ZNF436: variants seen among roughly 807,000 people sequenced by gnomAD.
The protein encoded by ZNF436 is DNA-binding protein.
In ZNF436, 22 loss-of-function variants were observed where a neutral mutation model predicts 41.9. The ratio of observed to expected loss-of-function variants is 0.53; its 90% CI spans 0.38 to 0.75. The LOEUF (loss-of-function observed/expected upper bound fraction) is 0.75, where lower values mean the gene tolerates loss of function less well. Among genes scored for constraint, ZNF436 ranks in the 30% least tolerant of loss-of-function variants. ZNF436 has a pLI of 0.00. For synonymous variants in ZNF436, 217 were observed against 197.8 expected (o/e 1.10, Z -0.82); for missense variants, 506 against 587.3 (o/e 0.86, Z 1.43).
intron 3 of ZNF436, 68 bp from the exon 4 acceptor site, chr1:23,363,289 C>A: frequency 1.5e-6 from 2 of 1,378,674 alleles, no homozygotes; most frequent in Non-Finnish European, 1.9e-6. Flanking sequence ...AGGCACTATA[C>A]TAAATTTTTT....
At chr1:23,367,363 C>G (rs1162716168) in intron 2 of ZNF436, among the ~76,000 whole-genome samples, 195 bp from the exon 3 acceptor site, 1 of 152,336 alleles carries the variant, frequency 6.6e-6, no homozygotes, top group African/African-American at 2.4e-5. Context: ...CCATGGCCAG[C>G]TATCCCTGCC....
Position 23,361,770 on chromosome 1 carries a change from A to G in ZNF436, c.*199T>C. The G allele has an allele frequency of 5.6e-6, 3 of 532,304 alleles. No homozygotes were observed. Among genetic ancestry groups the G allele is most frequent in the East Asian group, 6.4e-5 (2 of 31,266 alleles). 33.0% of individuals were successfully genotyped at this position (532,304 alleles called of 1,614,324 possible). A position where few individuals can be genotyped will look rare whatever the true frequency, so the allele number is the denominator to read the frequency against. On this transcript the variant is annotated 3_prime_UTR_variant, in exon 4 of 4. Coordinates refer to ENST00000314011, the MANE Select transcript of ZNF436 (RefSeq NM_001077195.2). Reference sequence around the variant, plus strand: ...TAATGAAGTAACCCATTGAGTGAATAAAAATCACCATTTTGGAGGAGATAA... The same window carrying G: ...TAATGAAGTAACCCATTGAGTGAATGAAAATCACCATTTTGGAGGAGATAA...
chr1:23,369,284 G>T (rs1371945196), intron 1 of ZNF436, 82 bp downstream of exon 1: 2 of 487,966 alleles, frequency 4.1e-6, no homozygotes, highest in Non-Finnish European at 4.3e-6. Context: ...CCCTGATCCG[G>T]GCGGGCCTTC....
intron 1 of ZNF436, chr1:23,368,475 A>C (rs1323841530): frequency 6.2e-6 from 1 of 162,242 alleles, no homozygotes; most frequent in Non-Finnish European, 1.4e-5. Flanking sequence ...CAGCCTGGCC[A>C]AGAGCCTCTA....
chr1:23,368,898 A>G (rs1638428137), intron 1 of ZNF436: 2 of 153,898 alleles, frequency 1.3e-5, no homozygotes, highest in Admixed American at 1.3e-4. Context: ...ATCTCCCAAC[A>G]GCGCCTGCGG....
chr1:23,367,305 A>G, intron 2 of ZNF436, 137 bp from the exon 3 acceptor site: 1 of 1,065,704 alleles, frequency 9.4e-7, no homozygotes, highest in Non-Finnish European at 1.3e-6. Flanking sequence ...CAAGCAAAAA[A>G]GAGATGTGGT....
rs898742450 is a variant in ZNF436 at position 23,361,012 on chromosome 1, T to C, written c.*957A>G. 1.3e-5 allele frequency: 2 copies of C among 152,398 alleles called. No homozygotes were observed. The highest frequency in any genetic ancestry group is 2.9e-5 in the Non-Finnish European group (2 of 68,012). The allele number at this position is 152,398 out of a possible 1,614,324, so 9.4% of individuals were successfully genotyped here. ...CTGGGATGTGGCCCTTATCAAATCT[T>C]AGAGTTAGCAGGATAGGAAGAGTTG... On this transcript the variant is annotated 3_prime_UTR_variant, in exon 4 of 4. Transcript: ENST00000314011.
At chr1:23,365,060 C>T (rs1450227832) in intron 3 of ZNF436, among the ~76,000 whole-genome samples, 1 of 151,950 alleles carries the variant, frequency 6.6e-6, no homozygotes, top group African/African-American at 2.4e-5. Flanking sequence ...AGTTTGAGAC[C>T]AGCCTGTGCA....
Position 23,360,496 on chromosome 1 carries a change from T to G in ZNF436, c.*1473A>C, listed in dbSNP as rs962511706. On this transcript the variant is annotated 3_prime_UTR_variant, in exon 4 of 4. Transcript: ENST00000314011. ...TAGCATCAACACTTGAGATATTTCTTAATTCCTACCTGGACTGAGATTAGG... is the reference window on the plus strand; with the variant it reads ...TAGCATCAACACTTGAGATATTTCTGAATTCCTACCTGGACTGAGATTAGG... 5.9e-5 allele frequency: 9 copies of G among 152,222 alleles called. No homozygotes were observed. The highest frequency in any genetic ancestry group is 2.2e-4 in the African/African-American group (9 of 41,456). 9.4% of individuals were successfully genotyped at this position (152,222 alleles called of 1,614,324 possible).
At position 23,367,033 on chromosome 1, in the gene ZNF436, C is replaced by G; in HGVS notation, c.160+9G>C. On this transcript the variant is annotated intron_variant, in intron 3 of 3. Transcript: ENST00000314011. ...CGTGGAGGCAAAGAAAGGTAGAATC[C>G]TTACTTACCTAGTGAGACAACATTT... The G allele has an allele frequency of 6.2e-7, 1 of 1,607,680 alleles. No individual in the cohort carries two copies. Among genetic ancestry groups the G allele is most frequent in the Non-Finnish European group, 8.5e-7 (1 of 1,177,798 alleles).
At chr1:23,366,049 T>G (rs1638353606) in intron 3 of ZNF436, among the ~76,000 whole-genome samples, 1 of 152,214 alleles carries the variant, frequency 6.6e-6, no homozygotes, top group African/African-American at 2.4e-5. Flanking sequence ...ACTGTAGAAT[T>G]GTAAATTCAC....
intron 1 of ZNF436, 99 bp from the exon 2 acceptor site, chr1:23,368,164 G>GGACCA (rs1638404894): frequency 1.3e-6 from 1 of 757,470 alleles, no homozygotes; most frequent in African/African-American, 1.8e-5. Flanking sequence ...GGAGGGCCCT[G>GGACCA]GACCAGGGCC....
At chr1:23,368,175 G>C in intron 1 of ZNF436, 110 bp from the exon 2 acceptor site, 1 of 685,406 alleles carries the variant, frequency 1.5e-6, no homozygotes, top group Non-Finnish European at 2.5e-6. Flanking sequence ...GACCAGGGCC[G>C]GGTCACTCTC....
In ZNF436 at chr1:23,360,102, T is replaced by G. The variant is rs1186268643; in HGVS notation, c.*1867A>C. ...TATGGATACCCACAGTCTGCTAGAT[T>G]TTGTAAATAACAAAAAAACATGCTC... On this transcript the variant is annotated 3_prime_UTR_variant, in exon 4 of 4. Transcript: ENST00000314011. 1 of 152,244 alleles carries G rather than the reference T, an allele frequency of 6.6e-6. No individual in the cohort carries two copies. Among genetic ancestry groups the G allele is most frequent in the Non-Finnish European group, 1.5e-5 (1 of 68,042 alleles). 9.4% of individuals were successfully genotyped at this position (152,244 alleles called of 1,614,324 possible).
rs781007535 is a variant in ZNF436, at chr1:23,367,128, C to T, written c.74G>A (p.Arg25Gln). The T allele has an allele frequency of 1.9e-6, 3 of 1,613,488 alleles. No individual in the cohort carries two copies. Among genetic ancestry groups the T allele is most frequent in the South Asian group, 1.1e-5 (1 of 90,974 alleles). ...AGCGTCCAGAGGTCTCCATTCTTCC[C>T]GGGTGAGATACATGGCCATATCTTC... is the stretch of plus-strand genomic sequence containing the variant. ...TFEDMAMYLT[R>Q]EEWRPLDAAQ... The change falls in exon 3 of 4, where the codon CGG becomes CAG. Residue 25 changes from arginine (R) to glutamine (Q), a missense_variant. This residue lies in a region of ZNF436 where 228 missense variants were observed against 215.1 expected (regional missense o/e 1.06). Coordinates refer to ENST00000314011, the MANE Select transcript of ZNF436 (RefSeq NM_001077195.2).
In ZNF436 at chr1:23,360,136, A is replaced by C. The variant is rs1450994921; in HGVS notation, c.*1833T>G. 1.3e-5 allele frequency: 2 copies of C among 152,172 alleles called. No individual in the cohort carries two copies. The highest frequency in any genetic ancestry group is 2.9e-5 in the Non-Finnish European group (2 of 68,014). The allele number at this position is 152,172 out of a possible 1,614,324, so 9.4% of individuals were successfully genotyped here. ...AACAAAAAAACATGCTCCTTGCCTG[A>C]GTTTGTCCTTAAAAAGGAGTGGCAA... On this transcript the variant is annotated 3_prime_UTR_variant, in exon 4 of 4. Transcript: ENST00000314011.
chr1:23,364,015 A>G (rs1441373791), intron 3 of ZNF436, among the ~76,000 whole-genome samples: 2 of 151,938 alleles, frequency 1.3e-5, no homozygotes, highest in African/African-American at 4.8e-5. Flanking sequence ...GCACACCAAT[A>G]TGGGTGACAG....
In ZNF436 at chr1:23,367,881, C is replaced by T. The variant is rs1032106077; in HGVS notation, c.33+92G>A. On this transcript the variant is annotated intron_variant, in intron 2 of 3. Coordinates refer to ENST00000314011, the MANE Select transcript of ZNF436 (RefSeq NM_001077195.2). The stretch of plus-strand genomic sequence containing the variant: ...ATCGAAGCCAGCGAATTACTAATCC[C>T]AGGGAATTTCCCACAGGGACTTGCA... 20 of 1,452,270 alleles carry T rather than the reference C, an allele frequency of 1.4e-5. 1 individual carries two copies. Among genetic ancestry groups the T allele is most frequent in the Non-Finnish European group, 1.7e-5 (18 of 1,039,704 alleles). 90.0% of individuals were successfully genotyped at this position (1,452,270 alleles called of 1,614,324 possible).
At position 23,362,915 on chromosome 1, in the gene ZNF436, T is replaced by A. The variant is rs772504285; in HGVS notation, c.467A>T (p.His156Leu). 1 of 1,614,232 alleles carries A rather than the reference T, an allele frequency of 6.2e-7. No individual in the cohort carries two copies. ...AFSQISDLNRHQKTHTGDRPY... is the reference protein window; with the variant it reads ...AFSQISDLNRLQKTHTGDRPY... Reference sequence around the variant, plus strand: ...TCTGTCTCCAGTGTGGGTCTTCTGATGTCGATTAAGGTCTGAGATCTGACT... The same window carrying A: ...TCTGTCTCCAGTGTGGGTCTTCTGAAGTCGATTAAGGTCTGAGATCTGACT... The change falls in exon 4 of 4, where the codon CAT becomes CTT. Residue 156 changes from histidine to leucine, a missense_variant. By Grantham distance (99) the His-to-Leu change is moderately conservative. Coordinates refer to ENST00000314011, the MANE Select transcript of ZNF436 (RefSeq NM_001077195.2).
Sources: gnomAD v4.1 joint callset for allele counts (sites outside exome capture counted in the v4.1 genomes callset) on GRCh38, gnomAD v4.1.1 for gene constraint, gnomAD v4.1.1 regional missense constraint, MANE v1.5 for transcripts, NCBI Gene and HGNC (gene_info 2026-07-23, HGNC 2026-07-21) for gene names.